ULK4: variants seen among roughly 807,000 people sequenced by gnomAD.
ULK4 encodes the protein unc-51 like kinase 4.
A neutral mutation model predicts 160.6 loss-of-function variants in ULK4; 133 were observed. That is an observed-to-expected ratio of 0.83 (90% CI 0.72 to 0.96). ULK4 has a LOEUF of 0.96. Among genes scored for constraint, ULK4 ranks in the 40% least tolerant of loss-of-function variants. The probability of loss-of-function intolerance (pLI) is 0.00; values close to 1 mark genes in which losing one functional copy is unlikely to be tolerated. For synonymous variants in ULK4, 534 were observed against 539.8 expected, an observed-to-expected ratio of 0.99 and a Z score of 0.15; for missense variants, 1,580 against 1,499.5, an observed-to-expected ratio of 1.05 and a Z score of -0.89.
chr3:41,424,167 G>A (rs548923757), intron 34 of ULK4, among the ~76,000 whole-genome samples: 2 of 152,046 alleles, frequency 1.3e-5, no homozygotes, highest in Admixed American at 6.6e-5. Context: ...CAGCAGCTGT[G>A]GCATATAGTG....
intron 34 of ULK4, among the ~76,000 whole-genome samples, chr3:41,437,827 A>G (rs2083070700): frequency 6.6e-6 from 1 of 152,192 alleles, no homozygotes; most frequent in Admixed American, 6.5e-5. Flanking sequence ...CCACAGAAAG[A>G]CTTCTTGAAG....
chr3:41,684,430 T>G (rs1019800418), intron 27 of ULK4, among the ~76,000 whole-genome samples: 1 of 152,220 alleles, frequency 6.6e-6, no homozygotes, highest in African/African-American at 2.4e-5. Context: ...TTCATCTTAT[T>G]TTATGTCTTT....
chr3:41,749,864 TC>T (rs1252148391), intron 22 of ULK4, among the ~76,000 whole-genome samples: 1 of 152,086 alleles, frequency 6.6e-6, no homozygotes, highest in African/African-American at 2.4e-5. Context: ...AGTGCCTGCT[TC>T]TCAAGGCATG....
At chr3:41,663,471 T>G in intron 30 of ULK4, 136 bp downstream of exon 30, 3 of 760,270 alleles carry the variant, frequency 3.9e-6, no homozygotes, top group Non-Finnish European at 4.3e-6. Flanking sequence ...TTACAATCCA[T>G]GAAACTTAAA....
chr3:41,500,331 T>A (rs1342961616), intron 32 of ULK4, among the ~76,000 whole-genome samples: 2 of 152,116 alleles, frequency 1.3e-5, no homozygotes, highest in African/African-American at 4.8e-5. Flanking sequence ...TCTCAACAGT[T>A]GAAAACCCTG....
chr3:41,517,905 G>A (rs989501292), intron 32 of ULK4, among the ~76,000 whole-genome samples: 3 of 152,172 alleles, frequency 2.0e-5, no homozygotes, highest in Admixed American at 6.5e-5. Flanking sequence ...GGCAAAAACC[G>A]CAATTACATT....
chr3:41,327,728 G>T (rs974772955), intron 35 of ULK4, among the ~76,000 whole-genome samples: 1 of 152,188 alleles, frequency 6.6e-6, no homozygotes, highest in Admixed American at 6.5e-5. Flanking sequence ...ATGATAAGTT[G>T]TATTTATGCG....
chr3:41,814,456 C>T (rs1256427743), intron 19 of ULK4, among the ~76,000 whole-genome samples: 2 of 151,958 alleles, frequency 1.3e-5, no homozygotes, highest in Admixed American at 6.6e-5. Context: ...TATACTTGGG[C>T]GGGTGGTGAG....
chr3:41,397,985 A>C (rs989723799), intron 35 of ULK4, 94 bp downstream of exon 35: 8 of 1,407,548 alleles, frequency 5.7e-6, no homozygotes, highest in Non-Finnish European at 6.7e-6. Flanking sequence ...AATTCTCTGT[A>C]AATTTGAAAT....
At chr3:41,414,383 G>C (rs541705708) in intron 34 of ULK4, among the ~76,000 whole-genome samples, 7 of 151,942 alleles carry the variant, frequency 4.6e-5, no homozygotes, top group Non-Finnish European at 1.0e-4. Flanking sequence ...ACTTACATTT[G>C]AATTTTAAAA....
chr3:41,700,624 T>C lies in ULK4; in HGVS notation c.2781+4433A>G, dbSNP rs150887863. Among the ~76,000 whole-genome samples the C allele has an allele frequency of 4.4e-3, 674 of 152,252 alleles. 4 individuals carry two copies. The highest frequency in any genetic ancestry group is 0.024 in the Middle Eastern group (7 of 294). On this transcript the variant is annotated intron_variant, in intron 27 of 36. Coordinates refer to ENST00000301831, the MANE Select transcript of ULK4 (RefSeq NM_017886.4). Reference sequence around the variant, plus strand: ...GCTATGGAGGAAGGAACATCCATAGTTGATTTCAGGGAATGCCCGCTAATG... The same window carrying C: ...GCTATGGAGGAAGGAACATCCATAGCTGATTTCAGGGAATGCCCGCTAATG...
At chr3:41,529,970 G>A (rs900658292) in intron 32 of ULK4, among the ~76,000 whole-genome samples, 3 of 152,208 alleles carry the variant, frequency 2.0e-5, no homozygotes, top group African/African-American at 7.2e-5. Flanking sequence ...AACTGGGAAA[G>A]GAGTGAATGA....
At chr3:41,631,990 T>C (rs1225560627) in intron 30 of ULK4, among the ~76,000 whole-genome samples, 2 of 152,186 alleles carry the variant, frequency 1.3e-5, no homozygotes, top group Non-Finnish European at 2.9e-5. Context: ...GAGCCTTCAC[T>C]CTCTCTCTGA....
At chr3:41,900,924 A>C in intron 12 of ULK4, 95 bp from the exon 13 acceptor site, 1 of 811,662 alleles carries the variant, frequency 1.2e-6, no homozygotes, top group Non-Finnish European at 2.0e-6. Context: ...CACCACTGTA[A>C]AATATCACCT....
chr3:41,720,481 A>G (rs2037411934), intron 22 of ULK4, among the ~76,000 whole-genome samples: 1 of 152,182 alleles, frequency 6.6e-6, no homozygotes, highest in Admixed American at 6.5e-5. Context: ...CTGGAGAAAA[A>G]TATTTCCATT....
chr3:41,935,209 A>ATTTATTTATTTTTTTTTTTTTTTTTT (rs1559660879), intron 4 of ULK4, among the ~76,000 whole-genome samples: 1 of 135,554 alleles, frequency 7.4e-6, no homozygotes, highest in African/African-American at 3.3e-5. Flanking sequence ...TTATTTATTT[A>ATTTATTTATTTTTTTTTTTTTTTTTT]TTTTTTTTTT....
Position 41,449,367 on chromosome 3 carries a change from C to G in ULK4, c.3492+6130G>C, listed in dbSNP as rs143718200. On this transcript the variant is annotated intron_variant, in intron 34 of 36. Coordinates refer to ENST00000301831, the MANE Select transcript of ULK4 (RefSeq NM_017886.4). ...GGAGGTACTTATGAGTTTGTTTTAA[C>G]CCTGTTGAATCTGAGGTACTTATGG... Among the ~76,000 whole-genome samples, 4 of 152,210 alleles carry G rather than the reference C, an allele frequency of 2.6e-5. No homozygotes were observed. In the East Asian group the frequency reaches 5.8e-4, roughly 22 times the overall value.
At chr3:41,647,224 C>T (rs555317735) in intron 30 of ULK4, among the ~76,000 whole-genome samples, 41 of 152,080 alleles carry the variant, frequency 2.7e-4, no homozygotes, top group Non-Finnish European at 3.7e-4. Context: ...AGCTTTGTTC[C>T]GTTGCTGGTG....
At chr3:41,593,928 G>A (rs897991195) in intron 31 of ULK4, among the ~76,000 whole-genome samples, 1 of 151,736 alleles carries the variant, frequency 6.6e-6, no homozygotes, top group Non-Finnish European at 1.5e-5. Context: ...AGCTACCGGG[G>A]TTGGGGGAAG....
Sources: allele counts gnomAD v4.1 joint callset (sites outside exome capture counted in the v4.1 genomes callset), GRCh38; gene constraint gnomAD v4.1.1; transcripts MANE v1.5; gene names NCBI Gene and HGNC (gene_info 2026-07-23, HGNC 2026-07-21).